The following PBX3 variants were observed in gnomAD, a reference collection of about 807,000 sequenced individuals.
PBX3 encodes pre-B-cell leukemia transcription factor 3.
PBX3 carries 14 observed loss-of-function variants against 48.5 expected under a neutral mutation model. The ratio of observed to expected loss-of-function variants is 0.29; its 90% CI spans 0.19 to 0.45. The LOEUF (loss-of-function observed/expected upper bound fraction) is 0.45, where lower values mean the gene tolerates loss of function less well. Among genes scored for constraint, PBX3 ranks in the 20% least tolerant of loss-of-function variants. The pLI is 1.00. For missense variants in PBX3, 386 were observed against 546.7 expected (o/e 0.71, Z 2.93); for synonymous variants, 210 against 200.3 (o/e 1.05, Z -0.41).
intron 2 of PBX3, among the ~76,000 whole-genome samples, chr9:125,783,341 G>A (rs899501653): frequency 2.6e-5 from 4 of 152,060 alleles, no homozygotes; most frequent in African/African-American, 9.7e-5. Flanking sequence ...AGGCTGGACT[G>A]CAGTGGCACG....
At chr9:125,885,975 T>C (rs954199415) in intron 2 of PBX3, among the ~76,000 whole-genome samples, 1 of 152,140 alleles carries the variant, frequency 6.6e-6, no homozygotes, top group Admixed American at 6.5e-5. Flanking sequence ...TGTATTGAAA[T>C]GTAACTAAAC....
chr9:125,953,781 C>T (rs113518220), intron 5 of PBX3, among the ~76,000 whole-genome samples: 1 of 91,740 alleles, frequency 1.1e-5, no homozygotes, highest in East Asian at 4.8e-4. Flanking sequence ...AGTCTTTACG[C>T]ATACCCAGTA....
chr9:125,762,826 A>T (rs1485876276), intron 2 of PBX3, among the ~76,000 whole-genome samples: 1 of 152,240 alleles, frequency 6.6e-6, no homozygotes, highest in Admixed American at 6.5e-5. Flanking sequence ...CGGTCAAAAA[A>T]ATCAACAATA....
chr9:125,828,457 G>T (rs1838867545), intron 2 of PBX3, among the ~76,000 whole-genome samples: 1 of 152,126 alleles, frequency 6.6e-6, no homozygotes, highest in South Asian at 2.1e-4. Context: ...CAGCTCTTCT[G>T]CTATCTTGAA....
intron 2 of PBX3, among the ~76,000 whole-genome samples, chr9:125,778,538 T>C (rs1232377218): frequency 6.6e-6 from 1 of 151,976 alleles, no homozygotes; most frequent in African/African-American, 2.4e-5. Context: ...ATTACAGGCG[T>C]GAGCCACTGC....
chr9:125,896,892 T>G (rs1366064326), intron 2 of PBX3, among the ~76,000 whole-genome samples: 2 of 152,038 alleles, frequency 1.3e-5, no homozygotes, highest in African/African-American at 4.8e-5. Context: ...CCAGCTATAA[T>G]TAAATTGGCA....
At chr9:125,877,926 A>T (rs115151723) in intron 2 of PBX3, among the ~76,000 whole-genome samples, 25 of 152,300 alleles carry the variant, frequency 1.6e-4, no homozygotes, top group African/African-American at 5.8e-4. Context: ...TCCTTTGGTT[A>T]TTAAATTGTT....
intron 3 of PBX3, among the ~76,000 whole-genome samples, chr9:125,916,948 A>G (rs531185769): frequency 6.6e-6 from 1 of 152,326 alleles, no homozygotes; most frequent in East Asian, 1.9e-4. Flanking sequence ...ACAGTTGAAT[A>G]TGGTAATTTC....
At chr9:125,957,738 GC>G in intron 5 of PBX3, among the ~76,000 whole-genome samples, 1 of 152,282 alleles carries the variant, frequency 6.6e-6, no homozygotes, top group East Asian at 1.9e-4. Context: ...TCTAAGATGG[GC>G]CTTTGTTGCT....
intron 3 of PBX3, among the ~76,000 whole-genome samples, chr9:125,920,590 A>G (rs1206650940): frequency 2.6e-5 from 4 of 152,238 alleles, no homozygotes; most frequent in Admixed American, 1.3e-4. Context: ...TACACAGGCA[A>G]TTCACTCATA....
chr9:125,879,005 A>G (rs1040607498), intron 2 of PBX3, among the ~76,000 whole-genome samples: 2 of 151,630 alleles, frequency 1.3e-5, no homozygotes, highest in African/African-American at 4.8e-5. Context: ...TGTATTTTAC[A>G]TATTTCAGAA....
chr9:125,769,725 C>G (rs912246649), intron 2 of PBX3, among the ~76,000 whole-genome samples: 2 of 152,178 alleles, frequency 1.3e-5, no homozygotes, highest in African/African-American at 4.8e-5. Flanking sequence ...ATCAACAGAT[C>G]ACATTTTGTT....
chr9:125,839,358 A>G (rs1364168216), intron 2 of PBX3, among the ~76,000 whole-genome samples: 3 of 152,236 alleles, frequency 2.0e-5, no homozygotes, highest in Non-Finnish European at 4.4e-5. Context: ...AAAGAGGACT[A>G]TACTCAGATT....
chr9:125,910,843 C>G (rs1841187424), intron 2 of PBX3, among the ~76,000 whole-genome samples: 1 of 151,518 alleles, frequency 6.6e-6, no homozygotes, highest in South Asian at 2.1e-4. Flanking sequence ...AATAACATGA[C>G]TATTTCTTTC....
chr9:125,891,156 A>G (rs1458930310), intron 2 of PBX3, among the ~76,000 whole-genome samples: 1 of 152,234 alleles, frequency 6.6e-6, no homozygotes, highest in Non-Finnish European at 1.5e-5. Context: ...TGACGTTTGT[A>G]CTATGCACTG....
intron 2 of PBX3, chr9:125,865,450 A>C (rs1048815054): frequency 6.3e-6 from 1 of 159,824 alleles, no homozygotes; most frequent in Non-Finnish European, 1.5e-5. Flanking sequence ...TTGTGGCCTT[A>C]TCTGCAGTGC....
chr9:125,870,164 G>A (rs1840085280), intron 2 of PBX3, among the ~76,000 whole-genome samples: 1 of 151,162 alleles, frequency 6.6e-6, no homozygotes, highest in African/African-American at 2.5e-5. Context: ...TGTCTCATGG[G>A]TTCAAGGGAT....
intron 3 of PBX3, among the ~76,000 whole-genome samples, chr9:125,916,290 C>G (rs990475228): frequency 2.0e-5 from 3 of 152,164 alleles, no homozygotes; most frequent in African/African-American, 7.2e-5. Context: ...GCTTTAATCA[C>G]TTTTGAAGGG....
chr9:125,792,292 AG>A (rs1338215883), intron 2 of PBX3, among the ~76,000 whole-genome samples: 1 of 152,218 alleles, frequency 6.6e-6, no homozygotes, highest in Non-Finnish European at 1.5e-5. Context: ...GCATTTTCAA[AG>A]GAACAGATCC....
Sources: allele counts gnomAD v4.1 joint callset (sites outside exome capture counted in the v4.1 genomes callset), GRCh38; gene constraint gnomAD v4.1.1; transcripts MANE v1.5; gene names NCBI Gene and HGNC (gene_info 2026-07-23, HGNC 2026-07-21).